The following CELF2 variants were observed in gnomAD, a reference collection of about 807,000 sequenced individuals.
The protein encoded by CELF2 is CUGBP Elav-like family member 2.
In CELF2, 8 loss-of-function variants were observed where a neutral mutation model predicts 62.6. The observed-to-expected ratio is 0.13, with a 90% CI of 0.07 to 0.23. The LOEUF (loss-of-function observed/expected upper bound fraction) is 0.23, where lower values mean the gene tolerates loss of function less well. Among genes scored for constraint, CELF2 ranks in the 10% least tolerant of loss-of-function variants. CELF2 has a pLI of 1.00. For synonymous variants in CELF2, 258 were observed against 250.0 expected, an observed-to-expected ratio of 1.03 and a Z score of -0.30; for missense variants, 333 against 671.0, an observed-to-expected ratio of 0.50 and a Z score of 5.56.
chr10:10,538,364 G>A, the CELF2 span, among the ~76,000 whole-genome samples: 12 of 152,224 alleles, frequency 7.9e-5, no homozygotes, highest in Admixed American at 6.5e-5. Context: ...CCTGGTCTCA[G>A]AGAGAGATGC....
chr10:11,225,298 A>C (rs1010184314), intron 3 of CELF2, among the ~76,000 whole-genome samples: 2 of 152,150 alleles, frequency 1.3e-5, no homozygotes, highest in Non-Finnish European at 2.9e-5. Flanking sequence ...CACTCAAAAC[A>C]CACATTTGTG....
intron 2 of CELF2, among the ~76,000 whole-genome samples, chr10:11,197,459 A>G (rs1158300898): frequency 6.6e-6 from 1 of 152,258 alleles, no homozygotes; most frequent in Non-Finnish European, 1.5e-5. Context: ...ATTAAATGTC[A>G]CAGGGGAAAA....
In CELF2 at chr10:11,318,606, G is replaced by A. The variant is rs951166465; in HGVS notation, c.1097-2583G>A. On this transcript the variant is annotated intron_variant, in intron 10 of 12. Transcript: ENST00000633077. The surrounding 1 kb of genome is among the most constrained non-coding windows in gnomAD (Gnocchi z 5.4). The stretch of plus-strand genomic sequence containing the variant: ...GATGTGGCTGGAATGTCACTGGCTG[G>A]AGCTCCAAGCCTCACAATACCCTCT... The A allele has an allele frequency of 1.9e-5, 7 of 375,144 alleles. No individual in the cohort carries two copies. The highest frequency in any genetic ancestry group is 1.5e-4 in the African/African-American group (7 of 46,914). The allele number at this position is 375,144 out of a possible 1,614,324, so 23.2% of individuals were successfully genotyped here.
intron 1 of CELF2, among the ~76,000 whole-genome samples, chr10:10,888,266 A>T (rs2061894931): frequency 6.6e-6 from 1 of 152,218 alleles, no homozygotes; most frequent in African/African-American, 2.4e-5. Context: ...CCTTCTAGGC[A>T]AGACTTGCTT....
intron 1 of CELF2, among the ~76,000 whole-genome samples, chr10:11,029,036 G>A (rs2059704738): frequency 6.6e-6 from 1 of 152,204 alleles, no homozygotes; most frequent in Non-Finnish European, 1.5e-5. Flanking sequence ...TTGATGGTAT[G>A]AATATGGAGC....
the CELF2 span, among the ~76,000 whole-genome samples, chr10:10,521,888 C>A: frequency 1.3e-5 from 2 of 152,284 alleles, no homozygotes; most frequent in Admixed American, 1.3e-4. Flanking sequence ...AACCAGGGAA[C>A]TCTACATACT....
At chr10:10,463,471 A>G in the CELF2 span, among the ~76,000 whole-genome samples, 2 of 152,220 alleles carry the variant, frequency 1.3e-5, no homozygotes, top group Admixed American at 1.3e-4. Context: ...TCCTACAATC[A>G]ACGAACTTCT....
At chr10:11,172,324 TCA>T (rs1454117200) in intron 2 of CELF2, among the ~76,000 whole-genome samples, 7 of 152,320 alleles carry the variant, frequency 4.6e-5, no homozygotes, top group Non-Finnish European at 4.4e-5. Context: ...ATTTTTAGAT[TCA>T]TGCAAGCGGA....
In CELF2 at chr10:11,009,941, C is replaced by T. The variant is rs560471463; in HGVS notation, c.53+4501C>T. On this transcript the variant is annotated intron_variant, in intron 1 of 12. Transcript: ENST00000416382. ...GTAGAAAACTCTGTGTTGAAGCTTA[C>T]AGGCAGCATCACGGGCTTCTAGCAG... Among the ~76,000 whole-genome samples, 4 of 152,370 alleles carry T rather than the reference C, an allele frequency of 2.6e-5. No individual in the cohort carries two copies. The South Asian group carries it at 8.3e-4, about 32-fold the overall frequency.
At chr10:10,472,739 A>G in the CELF2 span, among the ~76,000 whole-genome samples, 96 of 152,034 alleles carry the variant, frequency 6.3e-4, no homozygotes, top group African/African-American at 2.3e-3. Flanking sequence ...ATTTGCCTGG[A>G]CATTAATGCA....
rs764892258 is a variant in CELF2, at chr10:11,329,050, C to T, written c.1563C>T (p.Tyr521=). 4 of 1,611,744 alleles carry T rather than the reference C, an allele frequency of 2.5e-6. No individual in the cohort carries two copies. Among genetic ancestry groups the T allele is most frequent in the Non-Finnish European group, 3.4e-6 (4 of 1,178,330 alleles). Residue 521 remains tyrosine, a synonymous_variant, in exon 13 of 13, where the codon TAC becomes TAT. Transcript: ENST00000633077. This position sits in a 1 kb window ranked among gnomAD's most constrained non-coding sequence, Gnocchi z 5.5. ...GTTCCAAAAACGACAGCAAACCTTACTGATCCTAACCCCAGAGGCTCCCTG... is the reference window on the plus strand; with the variant it reads ...GTTCCAAAAACGACAGCAAACCTTATTGATCCTAACCCCAGAGGCTCCCTG... ...LKRSKNDSKP[Y]
intron 7 of CELF2, 46 bp from the exon 8 acceptor site, chr10:11,275,010 AC>A: frequency 6.4e-7 from 1 of 1,563,390 alleles, no homozygotes; most frequent in Non-Finnish European, 8.8e-7. Context: ...TGAGGGAGTT[AC>A]TTTGCTCTCA....
the CELF2 span, among the ~76,000 whole-genome samples, chr10:10,464,021 T>C: frequency 6.6e-6 from 1 of 151,778 alleles, no homozygotes; most frequent in Admixed American, 6.6e-5. Context: ...TTATAGAGAA[T>C]GTGGCATTCC....
the CELF2 span, among the ~76,000 whole-genome samples, chr10:10,746,285 TGACACA>T: frequency 2.0e-5 from 3 of 152,184 alleles, no homozygotes; most frequent in African/African-American, 7.2e-5. Context: ...TAGACAATAT[TGACACA>T]GACATTAAAA....
At chr10:10,745,225 A>G in the CELF2 span, among the ~76,000 whole-genome samples, 3 of 152,082 alleles carry the variant, frequency 2.0e-5, no homozygotes, top group African/African-American at 4.8e-5. Context: ...TTCTTCCATC[A>G]TCACTCGGCA....
the CELF2 span, among the ~76,000 whole-genome samples, chr10:10,550,791 C>T: frequency 2.6e-4 from 40 of 152,194 alleles, no homozygotes; most frequent in African/African-American, 5.8e-4. Flanking sequence ...CTCCGCCTCC[C>T]GGGTTCAAGT....
the CELF2 span, among the ~76,000 whole-genome samples, chr10:10,696,147 G>T: frequency 2.6e-5 from 4 of 152,016 alleles, no homozygotes; most frequent in Non-Finnish European, 5.9e-5. Context: ...TTTACTTTTG[G>T]TCTTTGATGA....
At chr10:10,671,895 A>G in the CELF2 span, among the ~76,000 whole-genome samples, 1 of 151,864 alleles carries the variant, frequency 6.6e-6, no homozygotes, top group Non-Finnish European at 1.5e-5. Flanking sequence ...ACACTTGGCT[A>G]ATTCTTGTAT....
At chr10:10,775,238 A>G in the CELF2 span, among the ~76,000 whole-genome samples, 1 of 152,138 alleles carries the variant, frequency 6.6e-6, no homozygotes, top group Non-Finnish European at 1.5e-5. Flanking sequence ...TATCTAGGGA[A>G]AGGAACAGCC....
Sources: allele counts gnomAD v4.1 joint callset (sites outside exome capture counted in the v4.1 genomes callset), GRCh38; gene constraint gnomAD v4.1.1; non-coding constraint Gnocchi (gnomAD v3.1); transcripts MANE v1.5; gene names NCBI Gene and HGNC (gene_info 2026-07-23, HGNC 2026-07-21).